HERC4: variants seen among roughly 807,000 people sequenced by gnomAD.
HERC4 encodes the protein HECT and RLD domain containing E3 ubiquitin protein ligase 4, also known as probable E3 ubiquitin-protein ligase HERC4.
In HERC4, 28 loss-of-function variants were observed where a neutral mutation model predicts 124.3. The observed-to-expected ratio is 0.23, with a 90% CI of 0.17 to 0.31. The LOEUF is 0.31. Among genes scored for constraint, HERC4 ranks in the 10% least tolerant of loss-of-function variants. The probability of loss-of-function intolerance (pLI) is 1.00; values close to 1 mark genes in which losing one functional copy is unlikely to be tolerated. For missense variants in HERC4, 713 were observed against 1,229.3 expected (o/e 0.58, Z 6.28); for synonymous variants, 407 against 421.5 (o/e 0.97, Z 0.42).
intron 14 of HERC4, among the ~76,000 whole-genome samples, chr10:67,989,547 G>T (rs1478161301): frequency 6.6e-6 from 1 of 151,846 alleles, no homozygotes; most frequent in East Asian, 1.9e-4. Flanking sequence ...TAAAGTTCTT[G>T]TACTGACATT....
chr10:68,069,563 A>G, intron 3 of HERC4: 1 of 985,438 alleles, frequency 1.0e-6, no homozygotes, highest in Non-Finnish European at 1.2e-6. Context: ...TATTCACTAC[A>G]TTGTCAGGCC....
chr10:68,044,611 G>A (rs1284843986), intron 3 of HERC4, 48 bp from the exon 4 acceptor site: 5 of 1,539,418 alleles, frequency 3.2e-6, no homozygotes, highest in Admixed American at 3.8e-5. Context: ...CAGAAATCAA[G>A]GAAAAAGATA....
intron 3 of HERC4, among the ~76,000 whole-genome samples, chr10:68,063,508 T>C (rs2041139882): frequency 6.6e-6 from 1 of 152,138 alleles, no homozygotes; most frequent in African/African-American, 2.4e-5. Flanking sequence ...GCACTCAGCC[T>C]TGTCATACAT....
rs531703812 is a variant in HERC4, at chr10:68,001,627, G to C, written c.1070-8945C>G. On this transcript the variant is annotated intron_variant, in intron 9 of 24. Coordinates refer to ENST00000373700, the MANE Select transcript of HERC4 (RefSeq NM_015601.4). ...ATTTTAACTGCACAATTTAGTGGTA[G>C]CAAGTATATTCACAATGTTGTGCAA... 7.9e-5 allele frequency among the ~76,000 whole-genome samples: 12 copies of C among 152,226 alleles called. No homozygotes were observed. In the South Asian group the frequency reaches 2.5e-3, roughly 32 times the overall value.
At chr10:68,022,505 A>C (rs747458360) in intron 8 of HERC4, among the ~76,000 whole-genome samples, 1 of 124,964 alleles carries the variant, frequency 8.0e-6, no homozygotes, top group Non-Finnish European at 1.6e-5. Context: ...ATCTCAAAAT[A>C]AATAAATAAA....
At chr10:67,963,240 G>A (rs2034634144) in intron 16 of HERC4, among the ~76,000 whole-genome samples, 1 of 151,942 alleles carries the variant, frequency 6.6e-6, no homozygotes, top group Non-Finnish European at 1.5e-5. Context: ...TTTTTGAGAT[G>A]GAGTCTCACT....
At chr10:67,928,539 TTC>T (rs2031407555) in intron 23 of HERC4, among the ~76,000 whole-genome samples, 1 of 152,188 alleles carries the variant, frequency 6.6e-6, no homozygotes, top group South Asian at 2.1e-4. Flanking sequence ...TTTAAAGTAA[TTC>T]TGTTGCCCTT....
intron 19 of HERC4, among the ~76,000 whole-genome samples, chr10:67,947,419 T>C (rs1455191048): frequency 6.6e-6 from 1 of 152,174 alleles, no homozygotes. Context: ...CAATTACAAA[T>C]AGTTATGAAC....
chr10:67,935,647 C>T (rs1250184139), intron 22 of HERC4, among the ~76,000 whole-genome samples: 1 of 152,186 alleles, frequency 6.6e-6, no homozygotes, highest in African/African-American at 2.4e-5. Context: ...TTCCAATCTC[C>T]TGCCCAGGCC....
chr10:68,025,107 A>C (rs779161986), intron 8 of HERC4, among the ~76,000 whole-genome samples: 1 of 152,184 alleles, frequency 6.6e-6, no homozygotes, highest in African/African-American at 2.4e-5. Flanking sequence ...GCATGCCTGC[A>C]GTCCCAGCTA....
intron 3 of HERC4, among the ~76,000 whole-genome samples, chr10:68,058,235 A>G (rs561080946): frequency 6.6e-6 from 1 of 152,312 alleles, no homozygotes; most frequent in East Asian, 1.9e-4. Context: ...ATTTTGGCAT[A>G]GTCTTTGAAT....
chr10:68,064,380 C>T (rs2041191403), intron 3 of HERC4, among the ~76,000 whole-genome samples: 1 of 151,430 alleles, frequency 6.6e-6, no homozygotes, highest in Admixed American at 6.6e-5. Flanking sequence ...ATGGTGAAAC[C>T]CCATCTCTAC....
chr10:67,933,389 AC>A (rs1307177737), intron 22 of HERC4, among the ~76,000 whole-genome samples: 1 of 152,134 alleles, frequency 6.6e-6, no homozygotes, highest in Non-Finnish European at 1.5e-5. Context: ...ATGATACAAA[AC>A]GAAACTGTAA....
At chr10:68,009,361 T>C (rs1286387143) in intron 9 of HERC4, among the ~76,000 whole-genome samples, 2 of 152,170 alleles carry the variant, frequency 1.3e-5, no homozygotes, top group African/African-American at 4.8e-5. Context: ...GTGATTCTCT[T>C]GCCTTGGCTT....
chr10:68,023,914 T>C (rs1009277932), intron 8 of HERC4, among the ~76,000 whole-genome samples: 2 of 152,108 alleles, frequency 1.3e-5, no homozygotes, highest in Non-Finnish European at 2.9e-5. Context: ...GGTAGGAAAA[T>C]ATTTCTTAGA....
At chr10:68,066,927 C>T (rs1236553614) in intron 3 of HERC4, among the ~76,000 whole-genome samples, 1 of 152,088 alleles carries the variant, frequency 6.6e-6, no homozygotes, top group African/African-American at 2.4e-5. Flanking sequence ...ACAATCTGTG[C>T]ACTAGTATTT....
intron 17 of HERC4, 103 bp downstream of exon 17, chr10:67,956,775 T>C (rs536118665): frequency 3.2e-6 from 2 of 616,272 alleles, no homozygotes; most frequent in Admixed American, 3.1e-5. Context: ...CCAAAGTACT[T>C]TGTGTACCTT....
intron 8 of HERC4, among the ~76,000 whole-genome samples, chr10:68,020,078 CTG>C (rs1368460458): frequency 1.3e-5 from 2 of 152,144 alleles, no homozygotes; most frequent in Non-Finnish European, 2.9e-5. Context: ...TAGAATGTCA[CTG>C]TGCATTAGCA....
chr10:67,940,491 C>T (rs1340051563), intron 20 of HERC4, among the ~76,000 whole-genome samples: 1 of 152,060 alleles, frequency 6.6e-6, no homozygotes, highest in Non-Finnish European at 1.5e-5. Flanking sequence ...GCAATCTGGG[C>T]TCACTGCAAC....
Sources: gnomAD v4.1 joint callset for allele counts (sites outside exome capture counted in the v4.1 genomes callset) on GRCh38, gnomAD v4.1.1 for gene constraint, MANE v1.5 for transcripts, NCBI Gene and HGNC (gene_info 2026-07-23, HGNC 2026-07-21) for gene names.